Variants in NRXN1 observed in about 807,000 individuals in gnomAD.
NRXN1 encodes the protein neurexin-1.
NRXN1 carries 39 observed loss-of-function variants against 150.9 expected under a neutral mutation model. The ratio of observed to expected loss-of-function variants is 0.26; its 90% CI spans 0.20 to 0.34. NRXN1 has a LOEUF of 0.34. Ranked by LOEUF, NRXN1 falls within the 10% of genes least tolerant of loss-of-function variation. The pLI, the probability that NRXN1 is intolerant of heterozygous loss-of-function variation, is 1.00. For missense variants in NRXN1, 1,815 were observed against 1,949.9 expected (o/e 0.93, Z 1.30); for synonymous variants, 924 against 757.0 (o/e 1.22, Z -3.62).
chr2:50,217,105 G>C (rs1229983766), intron 18 of NRXN1, among the ~76,000 whole-genome samples: 1 of 151,932 alleles, frequency 6.6e-6, no homozygotes, highest in Non-Finnish European at 1.5e-5. Flanking sequence ...TAATTATAAA[G>C]GAATCAGAAA....
intron 17 of NRXN1, among the ~76,000 whole-genome samples, chr2:50,373,662 G>GA (rs1305989953): frequency 0.012 from 1,252 of 101,012 alleles, 40 homozygotes; most frequent in African/African-American, 0.05. Flanking sequence ...AAGAAAGAAA[G>GA]AAAGAAAGAA....
intron 5 of NRXN1, among the ~76,000 whole-genome samples, chr2:50,688,006 A>C (rs577862260): frequency 1.3e-5 from 2 of 152,188 alleles, no homozygotes; most frequent in Non-Finnish European, 2.9e-5. Flanking sequence ...TAGCACTAAT[A>C]GGTAAAATGT....
intron 8 of NRXN1, among the ~76,000 whole-genome samples, chr2:50,558,704 C>G (rs547835684): frequency 6.6e-6 from 1 of 152,178 alleles, no homozygotes; most frequent in Admixed American, 6.5e-5. Flanking sequence ...GGGACTGTTG[C>G]TTTAATGCTG....
At chr2:50,968,418 A>C (rs1694463579) in intron 2 of NRXN1, among the ~76,000 whole-genome samples, 1 of 151,958 alleles carries the variant, frequency 6.6e-6, no homozygotes, top group Non-Finnish European at 1.5e-5. Context: ...AATGAACTCT[A>C]TTTTCTGACC....
intron 5 of NRXN1, among the ~76,000 whole-genome samples, chr2:50,851,930 T>C (rs1674577340): frequency 1.3e-5 from 2 of 152,186 alleles, no homozygotes; most frequent in Non-Finnish European, 2.9e-5. Flanking sequence ...AAGATACTCT[T>C]AATAGTGCCT....
At chr2:50,403,563 C>G (rs1329080037) in intron 17 of NRXN1, among the ~76,000 whole-genome samples, 3 of 151,878 alleles carry the variant, frequency 2.0e-5, no homozygotes, top group Non-Finnish European at 4.4e-5. Flanking sequence ...TTTAAAACTA[C>G]TTGGAGAAAT....
intron 17 of NRXN1, among the ~76,000 whole-genome samples, chr2:50,324,525 CTTTTATTTTA>C (rs375809402): frequency 6.6e-6 from 1 of 152,142 alleles, no homozygotes; most frequent in African/African-American, 2.4e-5. Flanking sequence ...GTGTGTAAGT[CTTTTATTTTA>C]TTTTATTTTA....
chr2:49,990,818 G>C (rs929494322), intron 21 of NRXN1, among the ~76,000 whole-genome samples: 1 of 151,996 alleles, frequency 6.6e-6, no homozygotes, highest in African/African-American at 2.4e-5. Context: ...GCTAATGTTG[G>C]CACTATTAGC....
chr2:49,921,904 A>T lies in NRXN1; in HGVS notation c.*40T>A, dbSNP rs1668269550. The T allele has an allele frequency of 6.3e-7, 1 of 1,583,736 alleles. No individual in the cohort carries two copies. The highest frequency in any genetic ancestry group is 1.3e-5 in the African/African-American group (1 of 74,158). On this transcript the variant is annotated 3_prime_UTR_variant, in exon 23 of 23. Transcript: ENST00000401669. ...TTTATATTATGTCTCAGATAAAATG[A>T]AGACTATTTCTATACAAGTGTCCAT...
chr2:50,351,625 G>A (rs2078419738), intron 17 of NRXN1, among the ~76,000 whole-genome samples: 1 of 152,068 alleles, frequency 6.6e-6, no homozygotes, highest in African/African-American at 2.4e-5. Flanking sequence ...CCTTTATTAT[G>A]AGGAATGGTT....
intron 17 of NRXN1, among the ~76,000 whole-genome samples, chr2:50,424,307 GA>G (rs1186373242): frequency 5.7e-5 from 6 of 104,542 alleles, no homozygotes; most frequent in Non-Finnish European, 1.2e-4. Context: ...GGAGGAGGAG[GA>G]GGGGGAGGAG....
chr2:50,894,994 C>T (rs558419593), intron 5 of NRXN1, among the ~76,000 whole-genome samples: 1 of 152,160 alleles, frequency 6.6e-6, no homozygotes, highest in Non-Finnish European at 1.5e-5. Flanking sequence ...ACATCAAATG[C>T]AATTACTACT....
In NRXN1 at chr2:49,941,192, C is replaced by T. The variant is rs76408012; in HGVS notation, c.4216+2512G>A. Among the ~76,000 whole-genome samples the T allele has an allele frequency of 8.6e-3, 1,305 of 151,754 alleles. 24 individuals are homozygous for T. The highest frequency in any genetic ancestry group is 0.03 in the African/African-American group (1,222 of 41,354). Reference sequence around the variant, plus strand: ...TACATTAATGAATGAAAAACAAATACGTAAACATGATTGTTTCAGATAGTG... The same window carrying T: ...TACATTAATGAATGAAAAACAAATATGTAAACATGATTGTTTCAGATAGTG... On this transcript the variant is annotated intron_variant, in intron 22 of 22. Transcript: ENST00000401669.
At chr2:50,456,097 T>G (rs954737289) in intron 17 of NRXN1, among the ~76,000 whole-genome samples, 1 of 152,196 alleles carries the variant, frequency 6.6e-6, no homozygotes, top group Non-Finnish European at 1.5e-5. Flanking sequence ...ATATGTTATA[T>G]ATTTATAAGA....
At chr2:50,916,874 T>C (rs1319800600) in intron 5 of NRXN1, 1 of 151,828 alleles carries the variant, frequency 6.6e-6, no homozygotes, top group South Asian at 2.1e-4. Context: ...ATTGGTTAAA[T>C]CACAGCAAGA....
chr2:50,420,414 CAT>C lies in NRXN1; in HGVS notation c.3364+45026_3364+45027del, dbSNP rs993047941. ...ACATACATGTACACACACACACACA[CAT>C]ACACACACACACACACGGCAAAAAC... On this transcript the variant is annotated intron_variant, in intron 17 of 22. Transcript: ENST00000401669. Among the ~76,000 whole-genome samples, 82 of 150,832 alleles carry C rather than the reference CAT, an allele frequency of 5.4e-4. 1 individual carries two copies. Among genetic ancestry groups the C allele is most frequent in the Non-Finnish European group, 7.3e-4 (49 of 67,454 alleles).
chr2:50,733,398 T>C (rs1346742941), intron 5 of NRXN1, among the ~76,000 whole-genome samples: 2 of 152,162 alleles, frequency 1.3e-5, no homozygotes. Context: ...TCTTATATTA[T>C]AGCAAATGGG....
intron 2 of NRXN1, among the ~76,000 whole-genome samples, chr2:50,993,495 G>A (rs548335041): frequency 1.3e-5 from 2 of 151,816 alleles, no homozygotes; most frequent in South Asian, 2.1e-4. Context: ...CCTGACACTT[G>A]GTTGCAATCT....
Position 50,261,891 on chromosome 2 carries a change from T to G in NRXN1, c.3365-24921A>C, listed in dbSNP as rs893235932. Among the ~76,000 whole-genome samples the G allele has an allele frequency of 1.1e-4, 17 of 151,886 alleles. No individual in the cohort carries two copies. In the Admixed American group the frequency reaches 1.1e-3, roughly 10 times the overall value. ...GATCTAGTCCTAATTCCTTGCTTTGTGACTTTGCCAAAGTTATTGAAACTA... is the reference window on the plus strand; with the variant it reads ...GATCTAGTCCTAATTCCTTGCTTTGGGACTTTGCCAAAGTTATTGAAACTA... On this transcript the variant is annotated intron_variant, in intron 17 of 22. Coordinates refer to ENST00000401669, the MANE Select transcript of NRXN1 (RefSeq NM_001330078.2).
Sources: gnomAD v4.1 joint callset for allele counts (sites outside exome capture counted in the v4.1 genomes callset) on GRCh38, gnomAD v4.1.1 for gene constraint, MANE v1.5 for transcripts, NCBI Gene and HGNC (gene_info 2026-07-23, HGNC 2026-07-21) for gene names.